Variants in VSIG10 observed in about 807,000 individuals in gnomAD.
The protein encoded by VSIG10 is V-set and immunoglobulin domain containing 10, also known as V-set and immunoglobulin domain-containing protein 10.
Under a neutral mutation model 58.7 loss-of-function variants are expected in VSIG10, and 48 were observed. The observed-to-expected ratio is 0.82, with a 90% CI of 0.65 to 1.04. The LOEUF (loss-of-function observed/expected upper bound fraction) is 1.04, where lower values mean the gene tolerates loss of function less well. Ranked by LOEUF, VSIG10 falls within the 50% of genes least tolerant of loss-of-function variation. VSIG10 has a pLI of 0.00. For synonymous variants in VSIG10, 260 were observed against 267.1 expected (o/e 0.97, Z 0.26); for missense variants, 628 against 670.0 (o/e 0.94, Z 0.69).
chr12:118,072,881 T>C (rs918270499), intron 5 of VSIG10, among the ~76,000 whole-genome samples: 6 of 152,170 alleles, frequency 3.9e-5, no homozygotes, highest in African/African-American at 1.4e-4. Flanking sequence ...TTAGTGTAAG[T>C]ATGTCTCATG....
rs1206588606 is a variant in VSIG10 at position 118,064,590 on chromosome 12, GT to G, written c.*2048del. On this transcript the variant is annotated 3_prime_UTR_variant, in exon 9 of 9. Transcript: ENST00000359236. Reference sequence around the variant, plus strand: ...TTCAGTGACTTTAGAAGCAAGCTGAGTATCTCATTCTAAAATGACACTGATT... The same window carrying G: ...TTCAGTGACTTTAGAAGCAAGCTGAGATCTCATTCTAAAATGACACTGATT... 1 of 152,118 alleles carries G rather than the reference GT, an allele frequency of 6.6e-6. No homozygotes were observed. The highest frequency in any genetic ancestry group is 1.5e-5 in the Non-Finnish European group (1 of 68,032). The allele number at this position is 152,118 out of a possible 1,614,324, so 9.4% of individuals were successfully genotyped here.
chr12:118,084,885 G>A (rs1205933717), intron 2 of VSIG10, among the ~76,000 whole-genome samples: 1 of 152,160 alleles, frequency 6.6e-6, no homozygotes, highest in Non-Finnish European at 1.5e-5. Context: ...AAGGCATGGT[G>A]GCGGGCGCCT....
chr12:118,104,011 T>G lies in VSIG10; in HGVS notation c.-340A>C. On this transcript the variant is annotated 5_prime_UTR_variant, in exon 1 of 9. Transcript: ENST00000359236. ...AGCCAGGCGGGAGCCCAACTTCCTC[T>G]ACCTTGGCCCGGGAGGAGGGCTTTC... 29 of 198,000 alleles carry G rather than the reference T, an allele frequency of 1.5e-4. No homozygotes were observed. The highest frequency in any genetic ancestry group is 2.2e-4 in the East Asian group (2 of 9,024). The allele number at this position is 198,000 out of a possible 1,614,324, so 12.3% of individuals were successfully genotyped here. A position where few individuals can be genotyped will look rare whatever the true frequency, so the allele number is the denominator to read the frequency against.
At chr12:118,076,972 C>G (rs1484129573) in intron 4 of VSIG10, among the ~76,000 whole-genome samples, 1 of 152,142 alleles carries the variant, frequency 6.6e-6, no homozygotes, top group Non-Finnish European at 1.5e-5. Context: ...TCCCTTCTTA[C>G]AAAGAAAGAC....
chr12:118,068,545 C>T lies in VSIG10; in HGVS notation c.1399G>A (p.Glu467Lys). The T allele has an allele frequency of 1.2e-6, 2 of 1,601,024 alleles. No individual in the cohort carries two copies. Among genetic ancestry groups the T allele is most frequent in the Non-Finnish European group, 1.7e-6 (2 of 1,173,172 alleles). ...MVLVDSEEEEEEEEEEEEDAA... is the reference protein window; with the variant it reads ...MVLVDSEEEEKEEEEEEEDAA... ...TCTTCCTCCTCCTCCTCCTCCTCCT[C>T]CTCTTCCTCTTCTGAATCCACCAAA... The change falls in exon 8 of 9, where the codon GAG (glutamate) becomes AAG (lysine). Residue 467 changes from glutamate to lysine, a missense_variant. By Grantham distance (56) the Glu-to-Lys change is moderately conservative. Coordinates refer to ENST00000359236, the MANE Select transcript of VSIG10 (RefSeq NM_019086.6).
At chr12:118,099,743 T>C (rs1846494027) in intron 1 of VSIG10, among the ~76,000 whole-genome samples, 1 of 152,222 alleles carries the variant, frequency 6.6e-6, no homozygotes, top group Admixed American at 6.5e-5. Context: ...TGAATAAAGC[T>C]GTTATAGAAA....
In VSIG10 at chr12:118,087,088, A is replaced by G. The variant is rs78549737; in HGVS notation, c.362-4659T>C. Among the ~76,000 whole-genome samples the G allele has an allele frequency of 3.2e-3, 479 of 152,006 alleles. 3 individuals are homozygous for G. Among genetic ancestry groups the G allele is most frequent in the African/African-American group, 0.01 (429 of 41,468 alleles). The stretch of plus-strand genomic sequence containing the variant: ...TAAATTTAAAAATTGAAAAAAAAAA[A>G]AAAGAAAGAAAGAAAGAAACGGCGT... On this transcript the variant is annotated intron_variant, in intron 2 of 8. Coordinates refer to ENST00000359236, the MANE Select transcript of VSIG10 (RefSeq NM_019086.6).
At chr12:118,077,760 T>C (rs553425212) in intron 4 of VSIG10, among the ~76,000 whole-genome samples, 1 of 152,312 alleles carries the variant, frequency 6.6e-6, no homozygotes, top group South Asian at 2.1e-4. Flanking sequence ...CAAGCAGCCT[T>C]ATGGAGAATC....
At position 118,073,738 on chromosome 12, in the gene VSIG10, C is replaced by A. The variant is rs2032593423; in HGVS notation, c.1180G>T (p.Val394Leu). The A allele has an allele frequency of 6.2e-7, 1 of 1,613,776 alleles. No individual in the cohort carries two copies. The highest frequency in any genetic ancestry group is 1.7e-5 in the Admixed American group (1 of 59,976). Residue 394 changes from valine to leucine, a missense_variant, in exon 5 of 9, where the codon GTA (valine) becomes TTA (leucine). Val to Leu is a conservative substitution (Grantham distance 32, BLOSUM62 1). Coordinates refer to ENST00000359236, the MANE Select transcript of VSIG10 (RefSeq NM_019086.6). ...CAGATTTCCATCTCCCTCACCCCTACAGGGCTGTCAGCTCGGCAGATGTAG... is the reference window on the plus strand; with the variant it reads ...CAGATTTCCATCTCCCTCACCCCTAAAGGGCTGTCAGCTCGGCAGATGTAG... Reference protein sequence around the residue: ...GYYICRADSPVGVREMEIWLS... With the variant: ...GYYICRADSPLGVREMEIWLS...
At chr12:118,082,463 T>A in intron 2 of VSIG10, 34 bp from the exon 3 acceptor site, 1 of 1,583,820 alleles carries the variant, frequency 6.3e-7, no homozygotes, top group Non-Finnish European at 8.6e-7. Flanking sequence ...ATGGCATTAA[T>A]TATGTAAGAG....
rs555149768 is a variant in VSIG10 at position 118,064,995 on chromosome 12, C to G, written c.*1644G>C. The G allele has an allele frequency of 6.6e-6, 1 of 152,280 alleles. No homozygotes were observed. Among genetic ancestry groups the G allele is most frequent in the East Asian group, 1.9e-4 (1 of 5,184 alleles). 9.4% of individuals were successfully genotyped at this position (152,280 alleles called of 1,614,324 possible). A position where few individuals can be genotyped will look rare whatever the true frequency, so the allele number is the denominator to read the frequency against. The stretch of plus-strand genomic sequence containing the variant: ...TCAGTTTTTCATATTTAGCAAACAT[C>G]CATTGCACCCTTATAAGGTCCTCGA... On this transcript the variant is annotated 3_prime_UTR_variant, in exon 9 of 9. Transcript: ENST00000359236.
chr12:118,079,350 C>T lies in VSIG10; in HGVS notation c.921G>A (p.Gln307=). Residue 307 remains glutamine (Q), a synonymous_variant, in exon 4 of 9, where the codon CAG becomes CAA. Coordinates refer to ENST00000359236, the MANE Select transcript of VSIG10 (RefSeq NM_019086.6). ...GPESGASCMV[Q]IRGPSLLSEP... is the part of the protein sequence containing the mutation. ...GACAAAGCAAAACAGACTCACTGAT[C>T]TGCACCATGCAGCTGGCGCCCGACT... 1.2e-6 allele frequency: 2 copies of T among 1,613,952 alleles called. No homozygotes were observed. Among genetic ancestry groups the T allele is most frequent in the Non-Finnish European group, 1.7e-6 (2 of 1,179,870 alleles).
At chr12:118,078,937 TAA>T (rs35469920) in intron 4 of VSIG10, among the ~76,000 whole-genome samples, 466 of 39,868 alleles carry the variant, frequency 0.012, 1 homozygote, top group African/African-American at 0.042. Context: ...AGACTCTGCC[TAA>T]AAAAAAAAAA....
chr12:118,082,047 G>C, intron 3 of VSIG10, 80 bp downstream of exon 3: 1 of 1,332,894 alleles, frequency 7.5e-7, no homozygotes, highest in East Asian at 2.5e-5. Flanking sequence ...AAGACAAATG[G>C]GAGAGGCACA....
chr12:118,071,241 C>CA (rs1271785276), intron 6 of VSIG10, 118 bp downstream of exon 6: 6 of 1,233,878 alleles, frequency 4.9e-6, no homozygotes, highest in Non-Finnish European at 5.8e-6. Context: ...TATCTTGACC[C>CA]AGCAAAGAAG....
In VSIG10 at chr12:118,095,634, G is replaced by A; in HGVS notation, c.260C>T (p.Ser87Phe). 6.2e-7 allele frequency: 1 copy of A among 1,613,950 alleles called. No individual in the cohort carries two copies. The highest frequency in any genetic ancestry group is 1.6e-4 in the Middle Eastern group (1 of 6,062). ...EPRFSLVDAT[S>F]LHIESLSLGD... ...CAGGCTCAGCGATTCAATGTGCAGG[G>A]AGGTGGCATCCACTAGAGAGAAGCG... is the stretch of plus-strand genomic sequence containing the variant. Residue 87 changes from serine to phenylalanine, a missense_variant, in exon 2 of 9, where the codon TCC becomes TTC. Transcript: ENST00000359236.
At chr12:118,069,418 TC>T (rs2032389972) in intron 7 of VSIG10, among the ~76,000 whole-genome samples, 7 of 119,034 alleles carry the variant, frequency 5.9e-5, no homozygotes, top group South Asian at 2.7e-4. Context: ...TTCTTCTTCT[TC>T]TTCTTCTTTT....
Position 118,073,739 on chromosome 12 carries a change from A to C in VSIG10, c.1179T>G (p.Pro393=), listed in dbSNP as rs1566157873. Residue 393 remains proline (P), a synonymous_variant, in exon 5 of 9, where the codon CCT becomes CCG. Transcript: ENST00000359236. ...EGYYICRADS[P]VGVREMEIWL... is the part of the protein sequence containing the mutation. ...AGATTTCCATCTCCCTCACCCCTAC[A>C]GGGCTGTCAGCTCGGCAGATGTAGT... is the stretch of plus-strand genomic sequence containing the variant. 2 of 1,613,806 alleles carry C rather than the reference A, an allele frequency of 1.2e-6. No homozygotes were observed. The highest frequency in any genetic ancestry group is 1.7e-6 in the Non-Finnish European group (2 of 1,179,818).
intron 1 of VSIG10, among the ~76,000 whole-genome samples, chr12:118,098,609 A>C (rs1400333500): frequency 6.6e-6 from 1 of 152,184 alleles, no homozygotes; most frequent in East Asian, 1.9e-4. Context: ...ATAAACACCA[A>C]GATAAGGCCT....
Sources: allele counts gnomAD v4.1 joint callset (sites outside exome capture counted in the v4.1 genomes callset), GRCh38; gene constraint gnomAD v4.1.1; transcripts MANE v1.5; gene names NCBI Gene and HGNC (gene_info 2026-07-23, HGNC 2026-07-21).